The following TTC3 variants were observed in gnomAD, a reference collection of about 807,000 sequenced individuals.
TTC3 encodes tetratricopeptide repeat domain 3.
TTC3 carries 180 observed loss-of-function variants against 249.6 expected under a neutral mutation model. The observed-to-expected ratio is 0.72, with a 90% CI of 0.64 to 0.82. The LOEUF (loss-of-function observed/expected upper bound fraction) is 0.82. Ranked by LOEUF, TTC3 falls within the 40% of genes least tolerant of loss-of-function variation. The pLI is 0.00. For synonymous variants in TTC3, 717 were observed against 805.0 expected, an observed-to-expected ratio of 0.89 and a Z score of 1.85; for missense variants, 2,061 against 2,398.4, an observed-to-expected ratio of 0.86 and a Z score of 2.94.
At chr21:37,196,581 G>C (rs2835660) in intron 42 of TTC3, among the ~76,000 whole-genome samples, 81,071 of 152,064 alleles carry the variant, frequency 0.53, 22,267 homozygotes, top group African/African-American at 0.64. Flanking sequence ...AAAACATTGA[G>C]CACTGGGTAA....
intron 17 of TTC3, among the ~76,000 whole-genome samples, chr21:37,133,314 G>C (rs1023883458): frequency 6.6e-6 from 1 of 152,014 alleles, no homozygotes; most frequent in Admixed American, 6.6e-5. Flanking sequence ...ACATTAACAT[G>C]GAATAGAATA....
At chr21:37,168,425 A>G (rs1259631030) in intron 34 of TTC3, among the ~76,000 whole-genome samples, 1 of 152,184 alleles carries the variant, frequency 6.6e-6, no homozygotes, top group Non-Finnish European at 1.5e-5. Flanking sequence ...ATATAAACCT[A>G]TACTTGTATA....
intron 39 of TTC3, among the ~76,000 whole-genome samples, chr21:37,189,504 A>G (rs2083737503): frequency 2.0e-5 from 3 of 151,450 alleles, no homozygotes; most frequent in Admixed American, 2.0e-4. Context: ...TCAGCCTCCC[A>G]AAGTGCTGGG....
chr21:37,132,430 A>G (rs1258396043), intron 16 of TTC3, among the ~76,000 whole-genome samples: 1 of 151,346 alleles, frequency 6.6e-6, no homozygotes, highest in Non-Finnish European at 1.5e-5. Flanking sequence ...CTCCTGCCTC[A>G]GCCTCCCAGG....
intron 35 of TTC3, among the ~76,000 whole-genome samples, chr21:37,182,370 C>T (rs2148152186): frequency 6.6e-6 from 1 of 152,338 alleles, no homozygotes. Context: ...TATCTCAACC[C>T]AAATGCCTTT....
At position 37,123,038 on chromosome 21, in the gene TTC3, TAGC is replaced by T. The variant is rs778550577; in HGVS notation, c.1109+13_1109+15del. 1.9e-6 allele frequency: 3 copies of T among 1,613,834 alleles called. No individual in the cohort carries two copies. The highest frequency in any genetic ancestry group is 2.5e-6 in the Non-Finnish European group (3 of 1,179,780). The stretch of plus-strand genomic sequence containing the variant: ...CCTTTTATGAAAACAGGTAAGTTAA[TAGC>T]AGGTCAGTAGCTGCTACTACTAGGA... On this transcript the variant is annotated intron_variant, in intron 13 of 45. Transcript: ENST00000355666.
At chr21:37,145,387 G>A (rs2078896688) in intron 21 of TTC3, among the ~76,000 whole-genome samples, 1 of 152,186 alleles carries the variant, frequency 6.6e-6, no homozygotes, top group Non-Finnish European at 1.5e-5. Flanking sequence ...CACATGAAAA[G>A]ACATTCAGCA....
chr21:37,091,066 G>A (rs940983187), intron 6 of TTC3, among the ~76,000 whole-genome samples: 9 of 152,088 alleles, frequency 5.9e-5, no homozygotes, highest in African/African-American at 2.2e-4. Context: ...CTCTGAGGGT[G>A]GCCTGAAGTC....
chr21:37,094,944 G>C (rs1429856612), intron 8 of TTC3, among the ~76,000 whole-genome samples: 1 of 151,856 alleles, frequency 6.6e-6, no homozygotes, highest in Non-Finnish European at 1.5e-5. Context: ...GACCAGCTGG[G>C]GTAACATAGC....
At chr21:37,114,494 A>G (rs1218413977) in intron 11 of TTC3, among the ~76,000 whole-genome samples, 1 of 152,238 alleles carries the variant, frequency 6.6e-6, no homozygotes, top group Non-Finnish European at 1.5e-5. Context: ...ACCATCTCAC[A>G]CCATTTAGAA....
At chr21:37,081,605 T>C (rs931617234) in intron 1 of TTC3, 2 of 152,156 alleles carry the variant, frequency 1.3e-5, no homozygotes, top group Non-Finnish European at 2.9e-5. Flanking sequence ...CTGTATTCTT[T>C]AAATATTATG....
chr21:37,165,878 C>G (rs2081209171), exon 33 of TTC3: 2 of 1,614,162 alleles, frequency 1.2e-6, no homozygotes, highest in African/African-American at 2.7e-5. Flanking sequence ...AAAGTCTAAA[C>G]CAGTGTCAGA....
chr21:37,110,043 C>T (rs1193095950), intron 11 of TTC3, among the ~76,000 whole-genome samples: 1 of 151,888 alleles, frequency 6.6e-6, no homozygotes, highest in African/African-American at 2.4e-5. Context: ...CATCCACCAC[C>T]AAAAACCCAT....
chr21:37,129,488 G>A (rs779279528), intron 16 of TTC3, among the ~76,000 whole-genome samples: 1 of 152,136 alleles, frequency 6.6e-6, no homozygotes, highest in Non-Finnish European at 1.5e-5. Flanking sequence ...CTCTGCATAC[G>A]CAGACATGGG....
At chr21:37,151,126 T>C (rs904858623) in intron 25 of TTC3, among the ~76,000 whole-genome samples, 1 of 152,170 alleles carries the variant, frequency 6.6e-6, no homozygotes, top group African/African-American at 2.4e-5. Flanking sequence ...CAATTAAAAT[T>C]ATAACATTTG....
exon 10 of TTC3, chr21:37,096,613 C>G: frequency 6.2e-7 from 1 of 1,612,418 alleles, no homozygotes; most frequent in Non-Finnish European, 8.5e-7. Context: ...GGTAACCGAG[C>G]TCTTTGTTTT....
intron 11 of TTC3, among the ~76,000 whole-genome samples, chr21:37,119,156 C>T (rs1392725084): frequency 6.6e-6 from 1 of 152,100 alleles, no homozygotes; most frequent in Non-Finnish European, 1.5e-5. Context: ...TATGCTTGAT[C>T]TTTGTTTTGG....
intron 27 of TTC3, among the ~76,000 whole-genome samples, chr21:37,154,422 A>G (rs1220477452): frequency 2.0e-5 from 3 of 152,248 alleles, no homozygotes; most frequent in Non-Finnish European, 4.4e-5. Flanking sequence ...TGCTTTGAAC[A>G]TAGATCCTCA....
rs538792714 is a variant in TTC3, at chr21:37,092,885, T to A, written c.602-1120T>A. On this transcript the variant is annotated intron_variant, in intron 7 of 45. Transcript: ENST00000355666. Reference sequence around the variant, plus strand: ...TGAGGCCCGATAAACTTTAGTTACTTACTGCATCTTAATTAGTTTATTAAA... The same window carrying A: ...TGAGGCCCGATAAACTTTAGTTACTAACTGCATCTTAATTAGTTTATTAAA... 7.2e-5 allele frequency among the ~76,000 whole-genome samples: 11 copies of A among 152,340 alleles called. No individual in the cohort carries two copies. In the South Asian group the frequency reaches 2.3e-3, roughly 32 times the overall value.
Sources: gnomAD v4.1 joint callset for allele counts (sites outside exome capture counted in the v4.1 genomes callset) on GRCh38, gnomAD v4.1.1 for gene constraint, MANE v1.5 for transcripts, NCBI Gene and HGNC (gene_info 2026-07-23, HGNC 2026-07-21) for gene names.